Variants in SLIT3 observed in about 807,000 individuals in gnomAD.
The protein encoded by SLIT3 is slit homolog 3 protein.
Under a neutral mutation model 184.0 loss-of-function variants are expected in SLIT3, and 68 were observed. The observed-to-expected ratio is 0.37, with a 90% CI of 0.30 to 0.45. The LOEUF (loss-of-function observed/expected upper bound fraction) is 0.45. Among genes scored for constraint, SLIT3 ranks in the 20% least tolerant of loss-of-function variants. The pLI is 1.00. For synonymous variants in SLIT3, 831 were observed against 828.6 expected, an observed-to-expected ratio of 1.00 and a Z score of -0.05; for missense variants, 1,707 against 2,026.0, an observed-to-expected ratio of 0.84 and a Z score of 3.02.
chr5:169,161,268 C>T (rs1762468527), intron 4 of SLIT3, among the ~76,000 whole-genome samples: 1 of 152,208 alleles, frequency 6.6e-6, no homozygotes, highest in Non-Finnish European at 1.5e-5. Flanking sequence ...CTGGCCATAG[C>T]CATTTCCCAT....
At chr5:168,761,921 A>T (rs200333405) in intron 15 of SLIT3, among the ~76,000 whole-genome samples, 32,054 of 109,982 alleles carry the variant, frequency 0.29, 5,326 homozygotes, top group East Asian at 0.5. Flanking sequence ...AAAAAAAAAA[A>T]TTTTTTTTTT....
At chr5:168,801,478 G>A (rs532263019) in intron 9 of SLIT3, among the ~76,000 whole-genome samples, 1 of 152,264 alleles carries the variant, frequency 6.6e-6, no homozygotes, top group South Asian at 2.1e-4. Flanking sequence ...ACTTGTGACT[G>A]GACACGGAAG....
At chr5:169,252,885 G>C (rs574842409) in intron 1 of SLIT3, among the ~76,000 whole-genome samples, 2 of 152,074 alleles carry the variant, frequency 1.3e-5, no homozygotes, top group South Asian at 4.2e-4. Flanking sequence ...GTTTGAGGAG[G>C]GATTAATCTC....
At chr5:168,791,387 C>T (rs926133948) in intron 10 of SLIT3, 6 of 152,208 alleles carry the variant, frequency 3.9e-5, no homozygotes, top group East Asian at 1.9e-4. Flanking sequence ...AGATGCCCCA[C>T]GGTTTGGAGG....
chr5:168,836,209 C>T (rs1014992118), intron 6 of SLIT3, among the ~76,000 whole-genome samples: 2 of 152,188 alleles, frequency 1.3e-5, no homozygotes, highest in East Asian at 3.9e-4. Flanking sequence ...TTGGGCATCC[C>T]TGGTGGGAAT....
chr5:169,026,146 TCAG>T (rs1442748146), intron 4 of SLIT3, among the ~76,000 whole-genome samples: 1 of 152,198 alleles, frequency 6.6e-6, no homozygotes, highest in African/African-American at 2.4e-5. Flanking sequence ...CAGAGACTGT[TCAG>T]CAGGAGAGGA....
chr5:169,112,505 G>C lies in SLIT3; in HGVS notation c.413+80974C>G, dbSNP rs187979271. On this transcript the variant is annotated intron_variant, in intron 4 of 35. Coordinates refer to ENST00000519560, the MANE Select transcript of SLIT3 (RefSeq NM_003062.4). ...CCTTCTTCCATCTGGAGGCTCTGGG[G>C]TCAGCATTCCAGGTTCAAAGCCAAC... Among the ~76,000 whole-genome samples, 13 of 152,304 alleles carry C rather than the reference G, an allele frequency of 8.5e-5. No individual in the cohort carries two copies. The East Asian group carries it at 1.5e-3, about 18-fold the overall frequency.
rs1313652798 is a variant in SLIT3 at position 168,748,412 on chromosome 5, C to G, written c.2160G>C (p.Gln720His). ...ACTGCTCCGGGCAGCGCGGGCTCAGCTGGCAGCTACTCTCCTCGTTGCCTG... is the reference window on the plus strand; with the variant it reads ...ACTGCTCCGGGCAGCGCGGGCTCAGGTGGCAGCTACTCTCCTCGTTGCCTG... ...TCDGNEESSCQLSPRCPEQCT... is the reference protein window; with the variant it reads ...TCDGNEESSCHLSPRCPEQCT... The change falls in exon 20 of 36, where the codon CAG becomes CAC. Residue 720 changes from glutamine to histidine, a missense_variant. Physicochemically the swap from Gln to His is conservative, Grantham distance 24. Coordinates refer to ENST00000519560, the MANE Select transcript of SLIT3 (RefSeq NM_003062.4). 2.6e-6 allele frequency: 4 copies of G among 1,524,770 alleles called. No homozygotes were observed. In the African/African-American group the frequency reaches 4.4e-5, roughly 17 times the overall value. The allele number at this position is 1,524,770 out of a possible 1,614,324, so 94.5% of individuals were successfully genotyped here.
At chr5:168,691,826 C>T (rs750321069) in intron 29 of SLIT3, among the ~76,000 whole-genome samples, 57 of 152,102 alleles carry the variant, frequency 3.7e-4, no homozygotes, top group Admixed American at 5.9e-4. Context: ...ATCTCCCTCT[C>T]GATGTCAGAA....
chr5:169,276,435 T>C (rs1262333589), intron 1 of SLIT3, among the ~76,000 whole-genome samples: 2 of 152,180 alleles, frequency 1.3e-5, no homozygotes, highest in Non-Finnish European at 2.9e-5. Context: ...AATTTGGACT[T>C]CATCCTCTAT....
intron 3 of SLIT3, among the ~76,000 whole-genome samples, chr5:169,215,268 C>G (rs1764398499): frequency 6.6e-6 from 1 of 152,272 alleles, no homozygotes; most frequent in African/African-American, 2.4e-5. Context: ...GTTGTTCTAT[C>G]TGGAATACTT....
At chr5:169,231,941 T>C (rs547664094) in intron 3 of SLIT3, among the ~76,000 whole-genome samples, 2 of 152,362 alleles carry the variant, frequency 1.3e-5, no homozygotes, top group South Asian at 4.1e-4. Context: ...CATACGATCA[T>C]TGGCCACTTC....
intron 4 of SLIT3, among the ~76,000 whole-genome samples, chr5:168,969,179 G>A (rs147920361): frequency 3.0e-4 from 45 of 152,238 alleles, no homozygotes; most frequent in East Asian, 1.3e-3. Context: ...ACTGTTGGGC[G>A]TTTTTGTGTT....
intron 4 of SLIT3, among the ~76,000 whole-genome samples, chr5:169,152,591 G>A (rs1371475733): frequency 6.6e-6 from 1 of 152,176 alleles, no homozygotes; most frequent in Non-Finnish European, 1.5e-5. Context: ...TTACAGGTGA[G>A]TATATGGGCT....
At chr5:169,177,678 A>G (rs1284719650) in intron 4 of SLIT3, among the ~76,000 whole-genome samples, 1 of 152,198 alleles carries the variant, frequency 6.6e-6, no homozygotes, top group Non-Finnish European at 1.5e-5. Flanking sequence ...ACTATCTGGG[A>G]TGGAAAAGAA....
chr5:168,960,557 T>G lies in SLIT3; in HGVS notation c.414-77221A>C, dbSNP rs1762970780. 2.6e-5 allele frequency among the ~76,000 whole-genome samples: 4 copies of G among 152,330 alleles called. 1 individual carries two copies. Among genetic ancestry groups the G allele is most frequent in the African/African-American group, 9.6e-5 (4 of 41,580 alleles). On this transcript the variant is annotated intron_variant, in intron 4 of 35. Coordinates refer to ENST00000519560, the MANE Select transcript of SLIT3 (RefSeq NM_003062.4). ...GAGCTGGGATTCAAACTCAGGCCTA[T>G]TTGACTCCAAAGTGCCATGATCATT...
chr5:169,266,439 G>A (rs761342292), intron 1 of SLIT3, among the ~76,000 whole-genome samples: 9 of 152,290 alleles, frequency 5.9e-5, no homozygotes, highest in East Asian at 1.9e-4. Flanking sequence ...GAAATAATAC[G>A]TGCCATTTCC....
intron 4 of SLIT3, chr5:169,037,886 C>G (rs781048332): frequency 6.6e-6 from 1 of 152,222 alleles, no homozygotes; most frequent in Non-Finnish European, 1.5e-5. Context: ...TTACAGCTGC[C>G]TCATGATATT....
chr5:169,124,638 A>G (rs1383917615), intron 4 of SLIT3, among the ~76,000 whole-genome samples: 2 of 152,244 alleles, frequency 1.3e-5, no homozygotes, highest in South Asian at 2.1e-4. Flanking sequence ...CCATCTAAAG[A>G]AAGAAGTTAA....
Sources: gnomAD v4.1 joint callset for allele counts (sites outside exome capture counted in the v4.1 genomes callset) on GRCh38, gnomAD v4.1.1 for gene constraint, MANE v1.5 for transcripts, NCBI Gene and HGNC (gene_info 2026-07-23, HGNC 2026-07-21) for gene names.